Variants in ANKRD10 observed in about 807,000 individuals in gnomAD.
The protein encoded by ANKRD10 is ankyrin repeat domain-containing protein 10.
ANKRD10 carries 14 observed loss-of-function variants against 27.0 expected under a neutral mutation model. The observed-to-expected ratio is 0.52, with a 90% CI of 0.34 to 0.81. ANKRD10 has a LOEUF of 0.81. ANKRD10 is among the 40% of genes least tolerant of loss of function. The probability of loss-of-function intolerance (pLI) is 0.01; values close to 1 mark genes in which losing one functional copy is unlikely to be tolerated. For synonymous variants in ANKRD10, 250 were observed against 224.5 expected, an observed-to-expected ratio of 1.11 and a Z score of -1.01; for missense variants, 493 against 544.0, an observed-to-expected ratio of 0.91 and a Z score of 0.93.
intron 2 of ANKRD10, among the ~76,000 whole-genome samples, 181 bp downstream of exon 2, chr13:110,910,437 C>T (rs1005066572): frequency 2.2e-4 from 34 of 152,222 alleles, no homozygotes; most frequent in African/African-American, 7.7e-4. Flanking sequence ...GAACAGAAAG[C>T]ATTCCTATGG....
chr13:110,897,711 C>T (rs890717600), intron 3 of ANKRD10, among the ~76,000 whole-genome samples: 3 of 152,186 alleles, frequency 2.0e-5, no homozygotes, highest in Non-Finnish European at 2.9e-5. Flanking sequence ...TGGATATATA[C>T]CCAGTAGTGG....
chr13:110,914,661 C>T (rs1349386402), intron 1 of ANKRD10, 64 bp downstream of exon 1: 3 of 1,504,816 alleles, frequency 2.0e-6, no homozygotes, highest in East Asian at 5.0e-5. Flanking sequence ...GCACCTCAGA[C>T]CCGCTTTCCC....
At chr13:110,880,722 T>A (rs1404185459) in intron 5 of ANKRD10, among the ~76,000 whole-genome samples, 2 of 152,230 alleles carry the variant, frequency 1.3e-5, no homozygotes. Flanking sequence ...CCACTGTTTT[T>A]ATTTTTTTCA....
chr13:110,901,137 T>C (rs1023481149), intron 3 of ANKRD10, among the ~76,000 whole-genome samples: 6 of 152,190 alleles, frequency 3.9e-5, no homozygotes, highest in Admixed American at 2.0e-4. Context: ...CATTACTAAA[T>C]TGTCCATTTG....
chr13:110,880,739 C>A (rs183726532), intron 5 of ANKRD10, among the ~76,000 whole-genome samples: 1 of 152,056 alleles, frequency 6.6e-6, no homozygotes, highest in Non-Finnish European at 1.5e-5. Context: ...TTCAGTAGCA[C>A]AGAAATCTAC....
chr13:110,914,594 C>T, intron 1 of ANKRD10, 131 bp downstream of exon 1: 1 of 1,369,480 alleles, frequency 7.3e-7, no homozygotes, highest in Non-Finnish European at 9.6e-7. Flanking sequence ...CCCCTCGGGG[C>T]ACAGGCGCCG....
At chr13:110,899,940 A>C (rs1446666983) in intron 3 of ANKRD10, among the ~76,000 whole-genome samples, 4 of 152,316 alleles carry the variant, frequency 2.6e-5, no homozygotes, top group African/African-American at 4.8e-5. Flanking sequence ...AGCCAAGCAC[A>C]GTGGCTCAAC....
chr13:110,880,872 G>A (rs1229817091), intron 5 of ANKRD10, among the ~76,000 whole-genome samples: 2 of 152,198 alleles, frequency 1.3e-5, no homozygotes, highest in Non-Finnish European at 1.5e-5. Flanking sequence ...ACAGCACAAC[G>A]CAGAGTCGCT....
intron 5 of ANKRD10, chr13:110,883,475 A>G (rs926946675): frequency 1.6e-6 from 2 of 1,275,168 alleles, no homozygotes; most frequent in African/African-American, 3.0e-5. Flanking sequence ...AAATTATAGT[A>G]TAACATTTTT....
At chr13:110,913,806 A>G (rs1351888350) in intron 1 of ANKRD10, among the ~76,000 whole-genome samples, 3 of 152,228 alleles carry the variant, frequency 2.0e-5, no homozygotes, top group African/African-American at 7.2e-5. Context: ...AGAAATATTA[A>G]TTAAAACCAG....
intron 1 of ANKRD10, among the ~76,000 whole-genome samples, chr13:110,912,660 T>C (rs1327787358): frequency 1.3e-5 from 2 of 152,232 alleles, no homozygotes; most frequent in Non-Finnish European, 2.9e-5. Context: ...AACAACTCGT[T>C]TAGTCCTCTG....
chr13:110,906,462 C>A (rs574763307), intron 2 of ANKRD10, among the ~76,000 whole-genome samples: 66 of 152,008 alleles, frequency 4.3e-4, no homozygotes, highest in African/African-American at 1.4e-3. Flanking sequence ...ACAAACAAGC[C>A]AACCAACCAA....
At chr13:110,893,374 A>G (rs1008145213) in intron 3 of ANKRD10, 111 bp from the exon 4 acceptor site, 5 of 959,854 alleles carry the variant, frequency 5.2e-6, no homozygotes, top group Non-Finnish European at 7.7e-6. Flanking sequence ...AAACAAATTC[A>G]TAGCAAATCT....
chr13:110,893,802 C>T (rs1163092270), intron 3 of ANKRD10, among the ~76,000 whole-genome samples: 3 of 152,218 alleles, frequency 2.0e-5, no homozygotes, highest in South Asian at 4.1e-4. Flanking sequence ...CATCAGATTC[C>T]AGAGCTGAAC....
intron 3 of ANKRD10, among the ~76,000 whole-genome samples, chr13:110,898,581 T>C (rs1365847568): frequency 3.3e-5 from 5 of 152,032 alleles, no homozygotes; most frequent in Admixed American, 6.6e-5. Flanking sequence ...TTTTGTCTGT[T>C]TGTTTTAAAC....
At chr13:110,892,947 A>C (rs1594575612) in intron 4 of ANKRD10, 81 bp downstream of exon 4, 1 of 1,553,310 alleles carries the variant, frequency 6.4e-7, no homozygotes, top group Non-Finnish European at 8.7e-7. Flanking sequence ...CTCATCTCGA[A>C]GGTGCGCTCA....
chr13:110,908,047 A>G (rs2065587145), intron 2 of ANKRD10, among the ~76,000 whole-genome samples: 1 of 152,076 alleles, frequency 6.6e-6, no homozygotes, highest in South Asian at 2.1e-4. Context: ...ATCCTGAGAG[A>G]AGGTAGCCAA....
rs186719155 is a variant in ANKRD10, at chr13:110,896,383, T to C, written c.456-3120A>G. Among the ~76,000 whole-genome samples, 3 of 152,384 alleles carry C rather than the reference T, an allele frequency of 2.0e-5. No individual in the cohort carries two copies. In the East Asian group the frequency reaches 5.8e-4, roughly 29 times the overall value. Reference sequence around the variant, plus strand: ...ATACAGTTTAATTTGTTAGCATTTATATTCTACTCAGAGGAAATCTGTTGG... The same window carrying C: ...ATACAGTTTAATTTGTTAGCATTTACATTCTACTCAGAGGAAATCTGTTGG... On this transcript the variant is annotated intron_variant, in intron 3 of 5. Coordinates refer to ENST00000267339, the MANE Select transcript of ANKRD10 (RefSeq NM_017664.4).
intron 4 of ANKRD10, among the ~76,000 whole-genome samples, chr13:110,889,555 TTTC>T (rs1389047765): frequency 6.6e-6 from 1 of 152,240 alleles, no homozygotes; most frequent in African/African-American, 2.4e-5. Flanking sequence ...AGGCCAAGTC[TTTC>T]TTCTTCACTT....
Sources: gnomAD v4.1 joint callset for allele counts (sites outside exome capture counted in the v4.1 genomes callset) on GRCh38, gnomAD v4.1.1 for gene constraint, MANE v1.5 for transcripts, NCBI Gene and HGNC (gene_info 2026-07-23, HGNC 2026-07-21) for gene names.